The following PHF20L1 variants were observed in gnomAD, a reference collection of about 807,000 sequenced individuals.
The protein encoded by PHF20L1 is PHD finger protein 20-like protein 1.
Under a neutral mutation model 125.5 loss-of-function variants are expected in PHF20L1, and 44 were observed. The observed-to-expected ratio is 0.35, with a 90% CI of 0.28 to 0.45. The LOEUF is 0.45. PHF20L1 is among the 20% of genes least tolerant of loss of function. PHF20L1 has a pLI of 1.00. For missense variants in PHF20L1, 1,012 were observed against 1,217.2 expected (o/e 0.83, Z 2.51); for synonymous variants, 380 against 403.1 (o/e 0.94, Z 0.69).
rs1257809423 is a variant in PHF20L1 at position 132,793,676 on chromosome 8, A to G, written c.84-734A>G. Reference sequence around the variant, plus strand: ...AAAGATTTTAAGTTAACTAATTCCTATTTTGGAATTACAGAATTACCACAT... The same window carrying G: ...AAAGATTTTAAGTTAACTAATTCCTGTTTTGGAATTACAGAATTACCACAT... On this transcript the variant is annotated intron_variant, in intron 2 of 20. Transcript: ENST00000395386. Among the ~76,000 whole-genome samples, 7 of 152,212 alleles carry G rather than the reference A, an allele frequency of 4.6e-5. No individual in the cohort carries two copies. The East Asian group carries it at 9.6e-4, about 21-fold the overall frequency.
intron 15 of PHF20L1, 77 bp downstream of exon 15, chr8:132,832,476 T>TA: frequency 9.8e-7 from 1 of 1,017,136 alleles, no homozygotes; most frequent in Non-Finnish European, 1.5e-6. Context: ...CGTACTCTGT[T>TA]AAGAGCATGC....
chr8:132,833,766 G>T (rs910420759), intron 15 of PHF20L1, among the ~76,000 whole-genome samples: 4 of 152,132 alleles, frequency 2.6e-5, no homozygotes, highest in Non-Finnish European at 5.9e-5. Context: ...CCATAGATGT[G>T]TACTCTCTGT....
At chr8:132,775,977 A>C (rs1046941380) in intron 1 of PHF20L1, among the ~76,000 whole-genome samples, 4 of 152,026 alleles carry the variant, frequency 2.6e-5, no homozygotes, top group African/African-American at 9.6e-5. Context: ...CCATTGCTTT[A>C]CATTGTCGGT....
intron 2 of PHF20L1, among the ~76,000 whole-genome samples, chr8:132,793,537 C>T (rs974140059): frequency 3.9e-5 from 6 of 152,150 alleles, no homozygotes; most frequent in African/African-American, 1.4e-4. Context: ...GAATCATCCA[C>T]TGTGTGCTGC....
chr8:132,805,762 T>C (rs180782267), intron 8 of PHF20L1, among the ~76,000 whole-genome samples: 2 of 152,134 alleles, frequency 1.3e-5, no homozygotes, highest in East Asian at 3.9e-4. Context: ...CCATTTCATT[T>C]ATATTGTTCA....
intron 8 of PHF20L1, chr8:132,810,718 A>C (rs1040659859): frequency 4.7e-6 from 1 of 212,980 alleles, no homozygotes; most frequent in African/African-American, 2.3e-5. Flanking sequence ...TATAAGTATT[A>C]GCAACCTGAG....
chr8:132,818,659 A>C (rs901237045), intron 12 of PHF20L1: 1 of 151,904 alleles, frequency 6.6e-6, no homozygotes, highest in Admixed American at 6.6e-5. Context: ...TAGTTTCTCA[A>C]ATCAGATCTA....
At chr8:132,828,949 G>A (rs1836486030) in intron 14 of PHF20L1, among the ~76,000 whole-genome samples, 1 of 152,034 alleles carries the variant, frequency 6.6e-6, no homozygotes, top group South Asian at 2.1e-4. Context: ...CTACCAGGAA[G>A]GTCTGATATT....
At chr8:132,830,874 C>G (rs1320722354) in intron 14 of PHF20L1, among the ~76,000 whole-genome samples, 1 of 152,070 alleles carries the variant, frequency 6.6e-6, no homozygotes, top group Non-Finnish European at 1.5e-5. Flanking sequence ...TGCATTTACT[C>G]TTCAGCCCCA....
chr8:132,812,979 T>C (rs759511399), intron 9 of PHF20L1: 5 of 941,494 alleles, frequency 5.3e-6, no homozygotes, highest in Non-Finnish European at 5.1e-6. Context: ...TGTCATGTTA[T>C]ATTTACTTTT....
chr8:132,801,222 G>A (rs925460546), intron 6 of PHF20L1, among the ~76,000 whole-genome samples: 32 of 151,582 alleles, frequency 2.1e-4, no homozygotes, highest in Admixed American at 2.0e-4. Flanking sequence ...CAAAATATAC[G>A]TTGTGACTCA....
Position 132,785,228 on chromosome 8 carries a change from T to C in PHF20L1, c.83+7317T>C, listed in dbSNP as rs1334381175. 3.3e-5 allele frequency among the ~76,000 whole-genome samples: 5 copies of C among 152,298 alleles called. No homozygotes were observed. In the East Asian group the frequency reaches 7.7e-4, roughly 23 times the overall value. On this transcript the variant is annotated intron_variant, in intron 2 of 20. Transcript: ENST00000395386. ...CATTCCTGCCGAATGTTATTATGTATTATGAGATTTCACACTGTCACATCA... is the reference window on the plus strand; with the variant it reads ...CATTCCTGCCGAATGTTATTATGTACTATGAGATTTCACACTGTCACATCA...
intron 10 of PHF20L1, chr8:132,816,045 C>T (rs768642729): frequency 6.6e-6 from 1 of 151,702 alleles, no homozygotes; most frequent in Non-Finnish European, 1.5e-5. Context: ...CTCTTAAATA[C>T]CCAAACATCA....
intron 1 of PHF20L1, among the ~76,000 whole-genome samples, chr8:132,776,997 A>G (rs1829875859): frequency 1.3e-5 from 2 of 152,204 alleles, no homozygotes; most frequent in African/African-American, 4.8e-5. Context: ...TGAATGACCT[A>G]GGGATACATA....
rs778173160 is a variant in PHF20L1 at position 132,799,124 on chromosome 8, T to G, written c.459T>G (p.Cys153Trp). The G allele has an allele frequency of 6.8e-6, 11 of 1,610,394 alleles. No homozygotes were observed. Among genetic ancestry groups the G allele is most frequent in the Non-Finnish European group, 7.6e-6 (9 of 1,177,636 alleles). The change falls in exon 6 of 21, where the codon TGT becomes TGG. Residue 153 changes from cysteine to tryptophan, a missense_variant. Around this residue, in one of 7 missense-constraint regions of PHF20L1, gnomAD observed 134 missense variants for 145.9 expected, o/e 0.92. Transcript: ENST00000395386. ...QVKSQHPLSW[C>W]CPIDPAGSCN... ...AATCCCAGCATCCACTAAGCTGGTG[T>G]TGTCCTATCGACCCAGCTGGATCGT...
chr8:132,789,721 A>G (rs1268561380), intron 2 of PHF20L1, among the ~76,000 whole-genome samples: 4 of 152,144 alleles, frequency 2.6e-5, no homozygotes, highest in Non-Finnish European at 4.4e-5. Flanking sequence ...TATTTTCTAC[A>G]CAAGTAGATA....
At chr8:132,801,342 G>A (rs1833021507) in intron 6 of PHF20L1, among the ~76,000 whole-genome samples, 1 of 151,664 alleles carries the variant, frequency 6.6e-6, no homozygotes, top group Admixed American at 6.6e-5. Flanking sequence ...CATAGGTATG[G>A]CTAATATTTC....
chr8:132,805,315 T>A (rs1429000087), intron 8 of PHF20L1, among the ~76,000 whole-genome samples: 1 of 151,910 alleles, frequency 6.6e-6, no homozygotes, highest in Admixed American at 6.6e-5. Flanking sequence ...TATAGTTTAG[T>A]TTAGGAAATA....
At chr8:132,810,129 C>A (rs1262821734) in intron 8 of PHF20L1, 1 of 150,724 alleles carries the variant, frequency 6.6e-6, no homozygotes, top group Non-Finnish European at 1.5e-5. Flanking sequence ...ATTGCAACTT[C>A]TGCCTCCTGG....
Sources: gnomAD v4.1 joint callset for allele counts (sites outside exome capture counted in the v4.1 genomes callset) on GRCh38, gnomAD v4.1.1 for gene constraint, gnomAD v4.1.1 regional missense constraint, MANE v1.5 for transcripts, NCBI Gene and HGNC (gene_info 2026-07-23, HGNC 2026-07-21) for gene names.